Variants in ESR1 observed in about 807,000 individuals in gnomAD.
The protein encoded by ESR1 is estrogen receptor 1, also known as estrogen receptor.
ESR1 carries 12 observed loss-of-function variants against 52.7 expected under a neutral mutation model. That is an observed-to-expected ratio of 0.23 (90% CI 0.15 to 0.37). The LOEUF (loss-of-function observed/expected upper bound fraction) is 0.37. ESR1 is among the 10% of genes least tolerant of loss of function. ESR1 has a pLI of 1.00. For synonymous variants in ESR1, 305 were observed against 316.8 expected, an observed-to-expected ratio of 0.96 and a Z score of 0.39; for missense variants, 584 against 779.7, an observed-to-expected ratio of 0.75 and a Z score of 2.99.
chr6:152,104,569 T>C (rs756340484), downstream of ESR1, among the ~76,000 whole-genome samples: 4 of 152,220 alleles, frequency 2.6e-5, no homozygotes, highest in Non-Finnish European at 5.9e-5. Context: ...CCTCTGTTCT[T>C]ACTGCCTTTC....
At chr6:151,783,145 C>T (rs77783789) in intron 2 of ESR1, among the ~76,000 whole-genome samples, 126 of 152,276 alleles carry the variant, frequency 8.3e-4, no homozygotes, top group South Asian at 2.9e-3. Flanking sequence ...GACTTGTGCT[C>T]GGTTGAGGAG....
At chr6:151,657,556 GT>G (rs1320652456) in intron 1 of ESR1, among the ~76,000 whole-genome samples, 2 of 152,080 alleles carry the variant, frequency 1.3e-5, no homozygotes, top group African/African-American at 2.4e-5. Context: ...GGGTGTTTAG[GT>G]TTTTGTTCTT....
intron 4 of ESR1, among the ~76,000 whole-genome samples, chr6:151,973,122 G>A (rs1368790541): frequency 1.3e-5 from 2 of 152,078 alleles, no homozygotes; most frequent in East Asian, 3.9e-4. Flanking sequence ...GATACACCCA[G>A]GAGCAATACT....
At chr6:152,055,314 G>A (rs926807287) in intron 5 of ESR1, among the ~76,000 whole-genome samples, 1 of 152,018 alleles carries the variant, frequency 6.6e-6, no homozygotes, top group Admixed American at 6.6e-5. Flanking sequence ...AGCACGCCAG[G>A]GTTCACTTTT....
intron 1 of ESR1, among the ~76,000 whole-genome samples, chr6:151,842,243 T>A (rs11155816): frequency 2.0e-5 from 3 of 152,176 alleles, no homozygotes; most frequent in African/African-American, 4.8e-5. Context: ...CTGAGTGTGG[T>A]CTAGAGTTGG....
At chr6:151,926,102 T>TC (rs1372210419) in intron 3 of ESR1, among the ~76,000 whole-genome samples, 1 of 152,160 alleles carries the variant, frequency 6.6e-6, no homozygotes, top group Non-Finnish European at 1.5e-5. Flanking sequence ...ATGACCTTTT[T>TC]CTCATTTAAT....
At chr6:151,823,407 A>C (rs1780920174) in intron 1 of ESR1, among the ~76,000 whole-genome samples, 2 of 152,212 alleles carry the variant, frequency 1.3e-5, no homozygotes, top group South Asian at 4.1e-4. Context: ...AATTATTGCT[A>C]ATTGTAAAGA....
intron 4 of ESR1, among the ~76,000 whole-genome samples, chr6:151,996,434 G>A (rs1271958473): frequency 6.6e-6 from 1 of 151,990 alleles, no homozygotes; most frequent in Non-Finnish European, 1.5e-5. Context: ...CTCCTCTTGA[G>A]TCCTGAGAGC....
At chr6:151,762,567 G>A (rs1340338729) in intron 2 of ESR1, among the ~76,000 whole-genome samples, 1 of 152,162 alleles carries the variant, frequency 6.6e-6, no homozygotes. Context: ...GTAAAATGGA[G>A]ATAATTATAG....
rs747572455 is a variant in ESR1, at chr6:151,880,792, G to C, written c.760+21G>C. 10 of 1,332,000 alleles carry C rather than the reference G, an allele frequency of 7.5e-6. No individual in the cohort carries two copies. The South Asian group carries it at 1.2e-4, about 16-fold the overall frequency. The allele number at this position is 1,332,000 out of a possible 1,614,324, so 82.5% of individuals were successfully genotyped here. On this transcript the variant is annotated intron_variant, in intron 3 of 7. Transcript: ENST00000206249. Reference sequence around the variant, plus strand: ...AGGTGGTAGGTACATCTCTCCCAGGGGCCCTTGGGGATGGCCCTGGCCACC... The same window carrying C: ...AGGTGGTAGGTACATCTCTCCCAGGCGCCCTTGGGGATGGCCCTGGCCACC...
At chr6:152,122,243 G>C in intron 6 of ESR1, 1 of 817,310 alleles carries the variant, frequency 1.2e-6, no homozygotes, top group Non-Finnish European at 1.9e-6. Context: ...CTTGTTGTCT[G>C]TTTGTTCCCC....
intron 2 of ESR1, among the ~76,000 whole-genome samples, chr6:151,861,610 C>T (rs1025463880): frequency 2.0e-5 from 3 of 152,054 alleles, no homozygotes; most frequent in Admixed American, 6.6e-5. Context: ...ACTGCAAAGC[C>T]CAGAAGTGAG....
At chr6:152,019,649 A>G (rs1443621532) in intron 5 of ESR1, among the ~76,000 whole-genome samples, 4 of 152,256 alleles carry the variant, frequency 2.6e-5, no homozygotes, top group African/African-American at 9.6e-5. Flanking sequence ...AATTTATTAA[A>G]GTATAATCAA....
At chr6:151,842,935 G>C in intron 2 of ESR1, 148 bp downstream of exon 2, 1 of 694,814 alleles carries the variant, frequency 1.4e-6, no homozygotes, top group East Asian at 2.7e-5. Context: ...GTAGAAACAT[G>C]GAGAAGAGAC....
intron 5 of ESR1, among the ~76,000 whole-genome samples, chr6:152,044,456 T>G (rs542681134): frequency 1.9e-4 from 29 of 152,282 alleles, no homozygotes; most frequent in African/African-American, 6.3e-4. Flanking sequence ...AGGCAGTTTA[T>G]TAAGGAGAAT....
At chr6:151,823,837 T>C (rs1257077472) in intron 1 of ESR1, among the ~76,000 whole-genome samples, 1 of 152,260 alleles carries the variant, frequency 6.6e-6, no homozygotes, top group Non-Finnish European at 1.5e-5. Context: ...TTCCATGGTG[T>C]ATATGTGCCA....
At chr6:151,945,651 G>T (rs116891452) in intron 4 of ESR1, among the ~76,000 whole-genome samples, 1 of 152,184 alleles carries the variant, frequency 6.6e-6, no homozygotes, top group Non-Finnish European at 1.5e-5. Flanking sequence ...GATTTAGTTG[G>T]AGGTTTTCTC....
At chr6:152,068,175 T>C (rs908632869) in intron 6 of ESR1, among the ~76,000 whole-genome samples, 1 of 152,266 alleles carries the variant, frequency 6.6e-6, no homozygotes, top group Non-Finnish European at 1.5e-5. Context: ...AGCACTTGCT[T>C]GCGCTCAGAA....
intron 1 of ESR1, among the ~76,000 whole-genome samples, chr6:151,677,861 T>G (rs908078907): frequency 2.0e-5 from 3 of 152,354 alleles, no homozygotes; most frequent in African/African-American, 7.2e-5. Flanking sequence ...TCAGATTTAT[T>G]TTCTCAAATG....
Sources: gnomAD v4.1 joint callset for allele counts (sites outside exome capture counted in the v4.1 genomes callset) on GRCh38, gnomAD v4.1.1 for gene constraint, MANE v1.5 for transcripts, NCBI Gene and HGNC (gene_info 2026-07-23, HGNC 2026-07-21) for gene names.